SKA2: variants seen among roughly 807,000 people sequenced by gnomAD.
The protein encoded by SKA2 is spindle and kinetochore-associated protein 2.
SKA2 carries 13 observed loss-of-function variants against 16.9 expected under a neutral mutation model. The observed-to-expected ratio is 0.77, with a 90% CI of 0.50 to 1.22. The LOEUF (loss-of-function observed/expected upper bound fraction) is 1.22. Among genes scored for constraint, SKA2 ranks in the 50% most tolerant of loss-of-function variants. The pLI is 0.00. For missense variants in SKA2, 107 were observed against 139.7 expected (o/e 0.77, Z 1.18); for synonymous variants, 47 against 48.5 (o/e 0.97, Z 0.13).
intron 1 of SKA2, among the ~76,000 whole-genome samples, chr17:59,147,732 G>A (rs2046544401): frequency 6.7e-6 from 1 of 149,538 alleles, no homozygotes; most frequent in Non-Finnish European, 1.5e-5. Flanking sequence ...CCAAAGTGTT[G>A]GGATTACAGG....
chr17:59,117,415 G>T (rs1406179596), intron 3 of SKA2, among the ~76,000 whole-genome samples: 1 of 150,848 alleles, frequency 6.6e-6, no homozygotes, highest in Non-Finnish European at 1.5e-5. Context: ...TAAAATTTTT[G>T]GGGGACAGTC....
chr17:59,119,543 CT>C, intron 2 of SKA2, 48 bp from the exon 3 acceptor site: 4 of 1,545,336 alleles, frequency 2.6e-6, no homozygotes, highest in South Asian at 2.3e-5. Context: ...AAAGATTAAA[CT>C]TTTTAAGAAT....
At chr17:59,125,358 T>TA (rs770993500) in intron 2 of SKA2, among the ~76,000 whole-genome samples, 2 of 152,000 alleles carry the variant, frequency 1.3e-5, no homozygotes, top group African/African-American at 2.4e-5. Context: ...TTTGTGCCTA[T>TA]AATACTTCAA....
chr17:59,150,746 G>GA (rs1305533030), intron 1 of SKA2, among the ~76,000 whole-genome samples: 4 of 150,144 alleles, frequency 2.7e-5, no homozygotes, highest in East Asian at 3.9e-4. Flanking sequence ...TGTCTCTGGA[G>GA]AAAAAAAAAT....
intron 3 of SKA2, among the ~76,000 whole-genome samples, chr17:59,114,528 G>C (rs1402702107): frequency 1.3e-5 from 2 of 152,246 alleles, no homozygotes; most frequent in East Asian, 3.9e-4. Flanking sequence ...GAACATAAGA[G>C]TACAGTAAAA....
intron 2 of SKA2, among the ~76,000 whole-genome samples, chr17:59,128,306 G>A (rs2046385454): frequency 6.6e-6 from 1 of 151,924 alleles, no homozygotes; most frequent in African/African-American, 2.4e-5. Context: ...ACTGATTGAC[G>A]CTACAACATG....
Position 59,133,520 on chromosome 17 carries a change from T to A in SKA2, c.34-2153A>T, listed in dbSNP as rs2046424862. Among the ~76,000 whole-genome samples, 3 of 152,170 alleles carry A rather than the reference T, an allele frequency of 2.0e-5. 1 individual carries two copies. In the South Asian group the frequency reaches 6.2e-4, roughly 31 times the overall value. ...CTTTATCACTGAACTAAAGATTGAT[T>A]CTCAAAATCCTGAAGCCTTAGTGGA... On this transcript the variant is annotated intron_variant, in intron 1 of 3. Transcript: ENST00000330137.
intron 1 of SKA2, among the ~76,000 whole-genome samples, chr17:59,138,545 C>T (rs1428473717): frequency 6.6e-6 from 1 of 152,024 alleles, no homozygotes; most frequent in African/African-American, 2.4e-5. Context: ...ATTCTCATGC[C>T]TCAGCCTCCC....
chr17:59,118,503 C>T (rs1039132057), intron 3 of SKA2, among the ~76,000 whole-genome samples: 1 of 152,046 alleles, frequency 6.6e-6, no homozygotes, highest in Non-Finnish European at 1.5e-5. Context: ...ATTTGTTTTC[C>T]AAGAACAAGG....
chr17:59,126,567 G>A (rs991744174), intron 2 of SKA2, among the ~76,000 whole-genome samples: 1 of 152,102 alleles, frequency 6.6e-6, no homozygotes, highest in Non-Finnish European at 1.5e-5. Flanking sequence ...TCCTTTACAT[G>A]TATATAAATC....
intron 2 of SKA2, among the ~76,000 whole-genome samples, chr17:59,123,760 T>A (rs2046353328): frequency 6.6e-6 from 1 of 152,248 alleles, no homozygotes; most frequent in East Asian, 1.9e-4. Context: ...GTATAGCACT[T>A]ACTCTGGACT....
intron 1 of SKA2, among the ~76,000 whole-genome samples, chr17:59,136,677 C>T (rs1027215987): frequency 1.3e-5 from 2 of 151,848 alleles, no homozygotes; most frequent in Non-Finnish European, 2.9e-5. Flanking sequence ...TCCTCCCGAG[C>T]GGATGGGACT....
At chr17:59,118,167 G>C (rs1406532749) in intron 3 of SKA2, 1 of 152,298 alleles carries the variant, frequency 6.6e-6, no homozygotes, top group Admixed American at 6.5e-5. Context: ...TCCGGAGGCT[G>C]AGGCAGGAGA....
rs778187675 is a variant in SKA2 at position 59,155,113 on chromosome 17, C to T, written c.33+18G>A. The T allele has an allele frequency of 5.0e-6, 8 of 1,614,050 alleles. No individual in the cohort carries two copies. The highest frequency in any genetic ancestry group is 1.7e-5 in the Admixed American group (1 of 60,034). On this transcript the variant is annotated intron_variant, in intron 1 of 3. Transcript: ENST00000330137. Reference sequence around the variant, plus strand: ...GAAAAATAAACTACCCAGTAGATCTCCTTCACTTTGCACTCACCATCAGTT... The same window carrying T: ...GAAAAATAAACTACCCAGTAGATCTTCTTCACTTTGCACTCACCATCAGTT...
At chr17:59,142,165 C>T (rs201648957) in intron 1 of SKA2, among the ~76,000 whole-genome samples, 2 of 152,232 alleles carry the variant, frequency 1.3e-5, no homozygotes, top group East Asian at 3.9e-4. Context: ...GTGAATTATT[C>T]ACTTTACCAC....
chr17:59,154,111 G>C (rs1014696068), intron 1 of SKA2, among the ~76,000 whole-genome samples: 2 of 149,490 alleles, frequency 1.3e-5, no homozygotes, highest in Admixed American at 1.3e-4. Flanking sequence ...AAAAAGACAG[G>C]AGCTCAGTGG....
chr17:59,149,316 C>G (rs747478879), intron 1 of SKA2, among the ~76,000 whole-genome samples: 14 of 152,064 alleles, frequency 9.2e-5, no homozygotes, highest in Non-Finnish European at 1.9e-4. Context: ...GAGAACCAGC[C>G]TGGCAACATA....
At position 59,122,774 on chromosome 17, in the gene SKA2, C is replaced by T. The variant is rs2046343792; in HGVS notation, c.121-3279G>A. ...AGTAGCTGGGACTACAGGTGTGTGCCACCACACCCAGCTAATTTTTGTAGT... is the reference window on the plus strand; with the variant it reads ...AGTAGCTGGGACTACAGGTGTGTGCTACCACACCCAGCTAATTTTTGTAGT... On this transcript the variant is annotated intron_variant, in intron 2 of 3. Transcript: ENST00000330137. Among the ~76,000 whole-genome samples the T allele has an allele frequency of 2.6e-5, 4 of 151,962 alleles. No individual in the cohort carries two copies. The South Asian group carries it at 8.3e-4, about 32-fold the overall frequency.
chr17:59,145,172 A>G lies in SKA2; in HGVS notation c.33+9959T>C, dbSNP rs189641901. Among the ~76,000 whole-genome samples, 477 of 152,354 alleles carry G rather than the reference A, an allele frequency of 3.1e-3. 2 individuals carry two copies. Among genetic ancestry groups the G allele is most frequent in the African/African-American group, 0.011 (445 of 41,576 alleles). On this transcript the variant is annotated intron_variant, in intron 1 of 3. Coordinates refer to ENST00000330137, the MANE Select transcript of SKA2 (RefSeq NM_182620.4). Reference sequence around the variant, plus strand: ...GATGGTTGCACAACATTATGAATGTATTTAATACCACTTAAAATTGTTAAG... The same window carrying G: ...GATGGTTGCACAACATTATGAATGTGTTTAATACCACTTAAAATTGTTAAG...
Sources: allele counts gnomAD v4.1 joint callset (sites outside exome capture counted in the v4.1 genomes callset), GRCh38; gene constraint gnomAD v4.1.1; transcripts MANE v1.5; gene names NCBI Gene and HGNC (gene_info 2026-07-23, HGNC 2026-07-21).